The following DPYSL3 variants were observed in gnomAD, a reference collection of about 807,000 sequenced individuals.
The protein encoded by DPYSL3 is dihydropyrimidinase like 3, also known as dihydropyrimidinase-related protein 3.
Under a neutral mutation model 66.1 loss-of-function variants are expected in DPYSL3, and 16 were observed. The ratio of observed to expected loss-of-function variants is 0.24; its 90% CI spans 0.16 to 0.37. DPYSL3 has a LOEUF of 0.37. Ranked by LOEUF, DPYSL3 falls within the 10% of genes least tolerant of loss-of-function variation. The probability of loss-of-function intolerance (pLI) is 1.00; values close to 1 mark genes in which losing one functional copy is unlikely to be tolerated. For synonymous variants in DPYSL3, 338 were observed against 345.1 expected (o/e 0.98, Z 0.23); for missense variants, 738 against 916.2 (o/e 0.81, Z 2.51).
At chr5:147,431,488 A>G (rs1206682213) in intron 1 of DPYSL3, among the ~76,000 whole-genome samples, 1 of 152,106 alleles carries the variant, frequency 6.6e-6, no homozygotes, top group Non-Finnish European at 1.5e-5. Context: ...GGGGCATACT[A>G]TATATAAAGG....
chr5:147,446,001 C>G (rs922014640), intron 1 of DPYSL3, among the ~76,000 whole-genome samples: 1 of 152,134 alleles, frequency 6.6e-6, no homozygotes, highest in Admixed American at 6.5e-5. Flanking sequence ...AAAAAGCAAC[C>G]AAAGCCGCTT....
Position 147,500,635 on chromosome 5 carries a change from A to G in DPYSL3, c.381+8843T>C, listed in dbSNP as rs967594756. Among the ~76,000 whole-genome samples the G allele has an allele frequency of 3.9e-5, 6 of 152,040 alleles. No homozygotes were observed. The East Asian group carries it at 1.2e-3, about 29-fold the overall frequency. ...TCTCAAAAAAAAAAAAAAAAACTCA[A>G]TGAAAACAAATAAATGACTCAATTA... is the stretch of plus-strand genomic sequence containing the variant. On this transcript the variant is annotated intron_variant, in intron 1 of 13. Transcript: ENST00000343218.
chr5:147,436,687 T>C (rs1752419834), intron 1 of DPYSL3, among the ~76,000 whole-genome samples: 1 of 152,230 alleles, frequency 6.6e-6, no homozygotes, highest in South Asian at 2.1e-4. Flanking sequence ...GTAATTGCTG[T>C]GGTCCAGTGT....
intron 1 of DPYSL3, 120 bp from the exon 2 acceptor site, chr5:147,425,083 A>T: frequency 1.5e-6 from 1 of 686,744 alleles, no homozygotes; most frequent in South Asian, 2.0e-5. Context: ...TACCAAAGAC[A>T]TATGTGTGCT....
chr5:147,491,752 A>G (rs1003837975), intron 1 of DPYSL3, among the ~76,000 whole-genome samples: 5 of 148,682 alleles, frequency 3.4e-5, no homozygotes, highest in Non-Finnish European at 7.4e-5. Flanking sequence ...ATGCAGGGAG[A>G]AAAAAAAAAG....
chr5:147,421,555 A>C (rs1442795928), intron 2 of DPYSL3, among the ~76,000 whole-genome samples: 1 of 152,234 alleles, frequency 6.6e-6, no homozygotes, highest in Non-Finnish European at 1.5e-5. Context: ...TATCCAAGAC[A>C]ATCCTAAGTA....
intron 6 of DPYSL3, among the ~76,000 whole-genome samples, chr5:147,412,183 A>G (rs530978062): frequency 6.6e-6 from 1 of 152,330 alleles, no homozygotes; most frequent in South Asian, 2.1e-4. Flanking sequence ...ATTCTCTATT[A>G]TCTAAGGCTA....
chr5:147,451,086 C>T (rs1057495793), intron 1 of DPYSL3, among the ~76,000 whole-genome samples: 1 of 152,280 alleles, frequency 6.6e-6, no homozygotes, highest in South Asian at 2.1e-4. Flanking sequence ...TATAGACATG[C>T]AAACATACAT....
chr5:147,499,268 G>A (rs1753567071), intron 1 of DPYSL3, among the ~76,000 whole-genome samples: 1 of 152,178 alleles, frequency 6.6e-6, no homozygotes, highest in African/African-American at 2.4e-5. Flanking sequence ...GCAAAGAAAA[G>A]CCCTCAGGAA....
chr5:147,397,604 A>G (rs1758029055), intron 12 of DPYSL3, 62 bp downstream of exon 12: 1 of 1,539,552 alleles, frequency 6.5e-7, no homozygotes, highest in Non-Finnish European at 8.9e-7. Flanking sequence ...CATGGTTACT[A>G]TCTCTGAGCG....
chr5:147,481,343 G>A (rs1341943938), intron 1 of DPYSL3, among the ~76,000 whole-genome samples: 1 of 152,158 alleles, frequency 6.6e-6, no homozygotes. Context: ...CACATAATAT[G>A]TCAAGAACTG....
intron 6 of DPYSL3, among the ~76,000 whole-genome samples, chr5:147,409,604 C>T (rs1751803970): frequency 6.6e-6 from 1 of 152,170 alleles, no homozygotes; most frequent in African/African-American, 2.4e-5. Flanking sequence ...CTTCTAGCCT[C>T]TTTATGGAAG....
At chr5:147,464,225 C>A (rs765298629) in intron 1 of DPYSL3, among the ~76,000 whole-genome samples, 5 of 152,130 alleles carry the variant, frequency 3.3e-5, no homozygotes, top group Non-Finnish European at 5.9e-5. Flanking sequence ...TACATCAATG[C>A]CCTTTATATG....
chr5:147,450,945 G>A (rs1016872820), intron 1 of DPYSL3, among the ~76,000 whole-genome samples: 8 of 151,988 alleles, frequency 5.3e-5, no homozygotes, highest in African/African-American at 1.9e-4. Flanking sequence ...TGATGGTAGG[G>A]GGTATATGTT....
rs1362646640 is a variant in DPYSL3 at position 147,391,747 on chromosome 5, G to A, written c.*2288C>T. 2 of 152,194 alleles carry A rather than the reference G, an allele frequency of 1.3e-5. No individual in the cohort carries two copies. Among genetic ancestry groups the A allele is most frequent in the African/African-American group, 4.8e-5 (2 of 41,454 alleles). The allele number at this position is 152,194 out of a possible 1,614,324, so 9.4% of individuals were successfully genotyped here. A position where few individuals can be genotyped will look rare whatever the true frequency, so the allele number is the denominator to read the frequency against. On this transcript the variant is annotated 3_prime_UTR_variant, in exon 14 of 14. Transcript: ENST00000343218. ...AGGGATTTCTATGCTTGGAGAGTTA[G>A]TAATGGTAAGTGAAGAAAGAGAGGC...
At chr5:147,442,681 C>G (rs1458757041) in intron 1 of DPYSL3, among the ~76,000 whole-genome samples, 11 of 151,960 alleles carry the variant, frequency 7.2e-5, no homozygotes, top group Non-Finnish European at 1.6e-4. Context: ...ATTCATTTAA[C>G]TAGATTTTCC....
At chr5:147,502,944 C>T (rs962785714) in intron 1 of DPYSL3, among the ~76,000 whole-genome samples, 1 of 152,120 alleles carries the variant, frequency 6.6e-6, no homozygotes, top group Non-Finnish European at 1.5e-5. Context: ...TGGGGACTCC[C>T]TTCTTATTCA....
intron 6 of DPYSL3, 91 bp downstream of exon 6, chr5:147,412,517 C>A: frequency 1.6e-6 from 2 of 1,289,570 alleles, no homozygotes; most frequent in Admixed American, 1.9e-5. Flanking sequence ...TGGTGCCTTG[C>A]ACATATTGAG....
Position 147,424,943 on chromosome 5 carries a change from C to T in DPYSL3, c.402G>A (p.Lys134=). ...GATCATCATTGACGATTCTGCCTCC[C>T]TTGATAAGGAGACGGTCACTCTAGA... is the stretch of plus-strand genomic sequence containing the variant. The part of the protein sequence containing the change: ...PKDKSDRLLI[K]GGRIVNDDQS... The change falls in exon 2 of 14, where the codon AAG becomes AAA. Residue 134 remains lysine (K), a synonymous_variant. Transcript: ENST00000343218. The T allele has an allele frequency of 1.2e-6, 2 of 1,612,878 alleles. No homozygotes were observed. The highest frequency in any genetic ancestry group is 2.2e-5 in the South Asian group (2 of 90,862).
Sources: gnomAD v4.1 joint callset for allele counts (sites outside exome capture counted in the v4.1 genomes callset) on GRCh38, gnomAD v4.1.1 for gene constraint, MANE v1.5 for transcripts, NCBI Gene and HGNC (gene_info 2026-07-23, HGNC 2026-07-21) for gene names.